The following GULP1 variants were observed in gnomAD, a reference collection of about 807,000 sequenced individuals.
The protein encoded by GULP1 is GULP PTB domain containing engulfment adaptor 1, also known as PTB domain-containing engulfment adapter protein 1.
GULP1 carries 19 observed loss-of-function variants against 40.9 expected under a neutral mutation model. The ratio of observed to expected loss-of-function variants is 0.46; its 90% confidence interval spans 0.32 to 0.68. GULP1 has a LOEUF of 0.68. GULP1 is among the 30% of genes least tolerant of loss of function. GULP1 has a pLI of 0.03. For synonymous variants in GULP1, 119 were observed against 117.6 expected (o/e 1.01, Z -0.08); for missense variants, 312 against 362.2 (o/e 0.86, Z 1.12).
intron 7 of GULP1, among the ~76,000 whole-genome samples, chr2:188,556,295 A>C (rs1467627281): frequency 6.6e-6 from 1 of 152,056 alleles, no homozygotes; most frequent in East Asian, 1.9e-4. Flanking sequence ...TAAAGATTTG[A>C]GATATTTTTT....
At chr2:188,538,905 T>G (rs984439831) in intron 6 of GULP1, among the ~76,000 whole-genome samples, 1 of 152,146 alleles carries the variant, frequency 6.6e-6, no homozygotes, top group African/African-American at 2.4e-5. Context: ...AAAATAAATT[T>G]ATTTATAGTT....
At chr2:188,351,975 T>G (rs931959263) in intron 1 of GULP1, among the ~76,000 whole-genome samples, 2 of 152,214 alleles carry the variant, frequency 1.3e-5, no homozygotes, top group African/African-American at 2.4e-5. Context: ...CATTTTTTTT[T>G]GTCTGGCATG....
At chr2:188,304,279 CTTCATAAGA>C (rs1478091167) in intron 1 of GULP1, among the ~76,000 whole-genome samples, 15 of 152,206 alleles carry the variant, frequency 9.9e-5, no homozygotes, top group East Asian at 7.7e-4. Context: ...CTATTAAGAT[CTTCATAAGA>C]TTCATAAGAT....
chr2:188,353,792 AGTGCTTTG>A (rs1158063284), intron 1 of GULP1, among the ~76,000 whole-genome samples: 19 of 151,814 alleles, frequency 1.3e-4, no homozygotes, highest in Non-Finnish European at 1.6e-4. Flanking sequence ...CCAGAGAAAC[AGTGCTTTG>A]GTCACCCAGA....
At chr2:188,585,407 G>A (rs991279770) in intron 10 of GULP1, among the ~76,000 whole-genome samples, 2 of 152,166 alleles carry the variant, frequency 1.3e-5, no homozygotes, top group African/African-American at 4.8e-5. Context: ...TTTCTCCTCT[G>A]CATTGCCCTA....
At chr2:188,354,383 G>T (rs2044960634) in intron 1 of GULP1, among the ~76,000 whole-genome samples, 1 of 152,204 alleles carries the variant, frequency 6.6e-6, no homozygotes, top group Non-Finnish European at 1.5e-5. Flanking sequence ...GAGCAGGGTA[G>T]ACTAGAACAG....
chr2:188,409,801 T>G (rs181293080), intron 2 of GULP1, among the ~76,000 whole-genome samples: 1 of 152,280 alleles, frequency 6.6e-6, no homozygotes, highest in East Asian at 1.9e-4. Context: ...GGATGATTAT[T>G]CAACATATAC....
At chr2:188,406,750 A>G (rs1015043543) in intron 2 of GULP1, among the ~76,000 whole-genome samples, 1 of 152,112 alleles carries the variant, frequency 6.6e-6, no homozygotes, top group African/African-American at 2.4e-5. Context: ...ACAAATGTTC[A>G]AGTTATCAGA....
At chr2:188,455,416 C>A (rs1158423492) in intron 2 of GULP1, among the ~76,000 whole-genome samples, 1 of 152,098 alleles carries the variant, frequency 6.6e-6, no homozygotes, top group Admixed American at 6.5e-5. Context: ...GCAGGACTTT[C>A]CTGAGCTGTT....
intron 2 of GULP1, among the ~76,000 whole-genome samples, chr2:188,477,424 G>T (rs2061101543): frequency 1.3e-5 from 2 of 152,058 alleles, no homozygotes; most frequent in African/African-American, 2.4e-5. Context: ...ATAGAAAAAA[G>T]ACAAAATTGA....
At chr2:188,376,166 A>G (rs1312188275) in intron 1 of GULP1, among the ~76,000 whole-genome samples, 2 of 152,226 alleles carry the variant, frequency 1.3e-5, no homozygotes, top group African/African-American at 2.4e-5. Flanking sequence ...CTGTATTCCT[A>G]GTGTTAAATG....
chr2:188,311,436 C>G (rs2038086773), intron 1 of GULP1, among the ~76,000 whole-genome samples: 1 of 152,074 alleles, frequency 6.6e-6, no homozygotes, highest in African/African-American at 2.4e-5. Flanking sequence ...ACCTTGTGAT[C>G]CTGCCTGCCT....
intron 1 of GULP1, among the ~76,000 whole-genome samples, chr2:188,327,003 GC>G (rs146508421): frequency 6.6e-6 from 1 of 152,244 alleles, no homozygotes; most frequent in Non-Finnish European, 1.5e-5. Context: ...GAGGGCTCTA[GC>G]TGAACTCTAT....
chr2:188,579,202 G>A (rs964570651), intron 9 of GULP1, among the ~76,000 whole-genome samples: 4 of 152,140 alleles, frequency 2.6e-5, no homozygotes, highest in Non-Finnish European at 5.9e-5. Flanking sequence ...ACATTCAAGT[G>A]TGAAATGGGC....
intron 4 of GULP1, among the ~76,000 whole-genome samples, chr2:188,520,297 C>A (rs145068102): frequency 6.6e-6 from 1 of 151,642 alleles, no homozygotes; most frequent in East Asian, 1.9e-4. Context: ...CAGCACTTTG[C>A]GGGGCTGAGG....
At chr2:188,396,612 G>A (rs1041220624) in intron 2 of GULP1, among the ~76,000 whole-genome samples, 3 of 152,192 alleles carry the variant, frequency 2.0e-5, no homozygotes, top group Non-Finnish European at 2.9e-5. Context: ...AGCAACCATG[G>A]CTTTCAGGCC....
chr2:188,402,626 G>C (rs2052466870), intron 2 of GULP1, among the ~76,000 whole-genome samples: 1 of 151,890 alleles, frequency 6.6e-6, no homozygotes, highest in Non-Finnish European at 1.5e-5. Flanking sequence ...GACTATGCTG[G>C]GAATGTTTAA....
At chr2:188,549,133 A>G (rs1163435008) in intron 7 of GULP1, among the ~76,000 whole-genome samples, 1 of 150,038 alleles carries the variant, frequency 6.7e-6, no homozygotes, top group Non-Finnish European at 1.5e-5. Context: ...TTTTCTATGT[A>G]TAAGTGCTTT....
At chr2:188,569,985 A>G (rs1698680539) in intron 8 of GULP1, 43 bp from the exon 9 acceptor site, 3 of 735,354 alleles carry the variant, frequency 4.1e-6, no homozygotes, top group Admixed American at 2.7e-5. Flanking sequence ...ATTTTCCAAG[A>G]AAAAAAAAAC....
Sources: allele counts gnomAD v4.1 joint callset (sites outside exome capture counted in the v4.1 genomes callset), GRCh38; gene constraint gnomAD v4.1.1; transcripts MANE v1.5; gene names NCBI Gene and HGNC (gene_info 2026-07-23, HGNC 2026-07-21).